PLEKHA5: variants seen among roughly 807,000 people sequenced by gnomAD.
The protein encoded by PLEKHA5 is pleckstrin homology domain-containing family A member 5.
In PLEKHA5, 55 loss-of-function variants were observed where a neutral mutation model predicts 181.9. The observed-to-expected ratio is 0.30, with a 90% CI of 0.24 to 0.38. PLEKHA5 has a LOEUF of 0.38. Among genes scored for constraint, PLEKHA5 ranks in the 10% least tolerant of loss-of-function variants. The pLI is 1.00. For synonymous variants in PLEKHA5, 535 were observed against 529.4 expected, an observed-to-expected ratio of 1.01 and a Z score of -0.15; for missense variants, 1,432 against 1,549.5, an observed-to-expected ratio of 0.92 and a Z score of 1.27.
At chr12:19,327,203 A>G (rs1008683533) in intron 20 of PLEKHA5, among the ~76,000 whole-genome samples, 2 of 150,366 alleles carry the variant, frequency 1.3e-5, no homozygotes, top group Non-Finnish European at 3.0e-5. Context: ...CTCACTGTGT[A>G]TAAGCATTTC....
intron 21 of PLEKHA5, 40 bp downstream of exon 21, chr12:19,336,656 T>A (rs1474801148): frequency 1.8e-6 from 2 of 1,123,898 alleles, no homozygotes; most frequent in East Asian, 2.4e-5. Flanking sequence ...TTTAACTGTT[T>A]TTACTGGTAC....
intron 3 of PLEKHA5, among the ~76,000 whole-genome samples, chr12:19,182,284 ATTTC>A (rs1191413559): frequency 2.0e-5 from 3 of 152,038 alleles, no homozygotes; most frequent in Non-Finnish European, 2.9e-5. Flanking sequence ...CATCCAAGCG[ATTTC>A]TTTCTTTCTT....
At chr12:19,132,313 A>C in intron 2 of PLEKHA5, 80 bp from the exon 3 acceptor site, 1 of 780,974 alleles carries the variant, frequency 1.3e-6, no homozygotes, top group South Asian at 1.5e-5. Context: ...CTAATAAATG[A>C]AAATGGATAA....
rs370241103 is a variant in PLEKHA5, at chr12:19,274,756, G to A, written c.1086G>A (p.Gly362=). 1.2e-6 allele frequency: 2 copies of A among 1,614,170 alleles called. No homozygotes were observed. The highest frequency in any genetic ancestry group is 1.7e-6 in the Non-Finnish European group (2 of 1,180,008). The change falls in exon 11 of 32, where the codon GGG becomes GGA. Residue 362 remains glycine (G), a synonymous_variant. Coordinates refer to ENST00000429027, the MANE Select transcript of PLEKHA5 (RefSeq NM_001256470.2). ...CTCTGCCATCTGAATATGAGAGTGG[G>A]TCAGCATGCCCTGCTCAGACTGTGC... ...LNSLPSEYES[G]SACPAQTVHY...
chr12:19,353,159 TTTTA>T (rs1437742514), intron 25 of PLEKHA5, among the ~76,000 whole-genome samples: 1 of 151,782 alleles, frequency 6.6e-6, no homozygotes, highest in Non-Finnish European at 1.5e-5. Flanking sequence ...TTATTTATTT[TTTTA>T]TTTATTTTTG....
In PLEKHA5 at chr12:19,270,136, G is replaced by A. The variant is rs559264871; in HGVS notation, c.828-52G>A. On this transcript the variant is annotated intron_variant, in intron 9 of 31. Transcript: ENST00000429027. The stretch of plus-strand genomic sequence containing the variant: ...ATTCATTTTCACCTATCGGTGTACT[G>A]GGGTGAATCCAGAATCCTAACATTC... The A allele has an allele frequency of 2.3e-5, 27 of 1,168,386 alleles. No homozygotes were observed. In the East Asian group the frequency reaches 5.3e-4, roughly 23 times the overall value. The allele number at this position is 1,168,386 out of a possible 1,614,324, so 72.4% of individuals were successfully genotyped here.
intron 2 of PLEKHA5, among the ~76,000 whole-genome samples, chr12:19,131,117 T>C (rs184352216): frequency 6.6e-6 from 1 of 152,356 alleles, no homozygotes; most frequent in East Asian, 1.9e-4. Context: ...GTTCTCTTAC[T>C]GGCCTGCCTC....
chr12:19,290,700 A>T lies in PLEKHA5; in HGVS notation c.1887A>T (p.Leu629=). ...GKTPEELTLL[L]IKLRRQQAEL... Reference sequence around the variant, plus strand: ...AGCCAGAGGAGCTTACGCTGCTGCTAATAAAGCTGAGACGGCAGCAAGCCG... The same window carrying T: ...AGCCAGAGGAGCTTACGCTGCTGCTTATAAAGCTGAGACGGCAGCAAGCCG... The change falls in exon 14 of 32, where the codon CTA becomes CTT. Residue 629 remains leucine (L), a synonymous_variant. Coordinates refer to ENST00000429027, the MANE Select transcript of PLEKHA5 (RefSeq NM_001256470.2). The T allele has an allele frequency of 6.5e-7, 1 of 1,534,688 alleles. No individual in the cohort carries two copies. The highest frequency in any genetic ancestry group is 8.7e-7 in the Non-Finnish European group (1 of 1,145,744).
At chr12:19,275,135 A>G (rs2074124573) in intron 11 of PLEKHA5, 152 bp downstream of exon 11, 2 of 618,304 alleles carry the variant, frequency 3.2e-6, no homozygotes, top group South Asian at 2.0e-5. Context: ...ATGATCAGAT[A>G]TAAGTATTTA....
chr12:19,371,663 A>G, intron 31 of PLEKHA5: 1 of 158,524 alleles, frequency 6.3e-6, no homozygotes, highest in Non-Finnish European at 1.4e-5. Context: ...ATTGCTGAGT[A>G]GTATTCCATG....
At chr12:19,370,255 A>C (rs2095541981) in intron 31 of PLEKHA5, among the ~76,000 whole-genome samples, 1 of 152,228 alleles carries the variant, frequency 6.6e-6, no homozygotes, top group African/African-American at 2.4e-5. Flanking sequence ...AACTTGATGG[A>C]ATATTAAAAT....
At chr12:19,268,226 T>G (rs2071219299) in intron 8 of PLEKHA5, among the ~76,000 whole-genome samples, 2 of 152,226 alleles carry the variant, frequency 1.3e-5, no homozygotes, top group Admixed American at 1.3e-4. Context: ...ATTATAACTT[T>G]ATGAAGTACA....
Position 19,275,052 on chromosome 12 carries a change from A to C in PLEKHA5, c.1313+69A>C, listed in dbSNP as rs2074104090. On this transcript the variant is annotated intron_variant, in intron 11 of 31. Transcript: ENST00000429027. Reference sequence around the variant, plus strand: ...CTGTGTTGGTGGAGATTGGTTTCTGAGCTACTGATTAAAATATTGGTTTAA... The same window carrying C: ...CTGTGTTGGTGGAGATTGGTTTCTGCGCTACTGATTAAAATATTGGTTTAA... 3.0e-6 allele frequency: 3 copies of C among 990,860 alleles called. No homozygotes were observed. In the South Asian group the frequency reaches 4.6e-5, roughly 15 times the overall value. The allele number at this position is 990,860 out of a possible 1,614,324, so 61.4% of individuals were successfully genotyped here.
chr12:19,369,462 A>G (rs915060862), intron 30 of PLEKHA5, among the ~76,000 whole-genome samples: 5 of 152,108 alleles, frequency 3.3e-5, no homozygotes, highest in African/African-American at 1.2e-4. Context: ...GGAGGATTGC[A>G]TGATGCCAGG....
chr12:19,244,362 A>G (rs2063236849), intron 3 of PLEKHA5, among the ~76,000 whole-genome samples: 1 of 152,226 alleles, frequency 6.6e-6, no homozygotes, highest in Non-Finnish European at 1.5e-5. Flanking sequence ...AACACAAGTT[A>G]AAAGCACACA....
chr12:19,145,099 A>G (rs933831216), intron 3 of PLEKHA5, among the ~76,000 whole-genome samples: 7 of 152,200 alleles, frequency 4.6e-5, no homozygotes, highest in African/African-American at 7.2e-5. Context: ...CAAAGTACCT[A>G]TGCTAGTAAT....
chr12:19,144,345 C>T (rs2038295402), intron 3 of PLEKHA5, among the ~76,000 whole-genome samples: 1 of 152,184 alleles, frequency 6.6e-6, no homozygotes, highest in Non-Finnish European at 1.5e-5. Context: ...TAACTGAGGT[C>T]ATGAGTCTGG....
intron 12 of PLEKHA5, 137 bp downstream of exon 12, chr12:19,283,882 T>A: frequency 1.7e-6 from 1 of 602,620 alleles, no homozygotes. Context: ...TTTTAAAAAA[T>A]AAATAAAAAT....
At chr12:19,312,582 C>T (rs1299632047) in intron 15 of PLEKHA5, among the ~76,000 whole-genome samples, 2 of 152,198 alleles carry the variant, frequency 1.3e-5, no homozygotes, top group Non-Finnish European at 1.5e-5. Context: ...TCCAAGTTTC[C>T]TTCTGCAGCT....
Sources: allele counts gnomAD v4.1 joint callset (sites outside exome capture counted in the v4.1 genomes callset), GRCh38; gene constraint gnomAD v4.1.1; transcripts MANE v1.5; gene names NCBI Gene and HGNC (gene_info 2026-07-23, HGNC 2026-07-21).